Variants in TTC28 observed in about 807,000 individuals in gnomAD.
TTC28 encodes the protein tetratricopeptide repeat domain 28.
In TTC28, 61 loss-of-function variants were observed where a neutral mutation model predicts 198.0. The ratio of observed to expected loss-of-function variants is 0.31; its 90% confidence interval spans 0.25 to 0.38. The LOEUF (loss-of-function observed/expected upper bound fraction) is 0.38. TTC28 is among the 10% of genes least tolerant of loss of function. The pLI, the probability that TTC28 is intolerant of heterozygous loss-of-function variation, is 1.00. For missense variants in TTC28, 2,678 were observed against 3,164.0 expected (o/e 0.85, Z 3.69); for synonymous variants, 1,171 against 1,297.8 (o/e 0.90, Z 2.10).
chr22:28,302,777 C>T (rs1001468333), intron 3 of TTC28, among the ~76,000 whole-genome samples: 1 of 152,086 alleles, frequency 6.6e-6, no homozygotes, highest in African/African-American at 2.4e-5. Context: ...CGGGTTCAAG[C>T]GATTCTCCTG....
At chr22:28,674,873 T>C (rs2051957512) in intron 1 of TTC28, among the ~76,000 whole-genome samples, 1 of 151,710 alleles carries the variant, frequency 6.6e-6, no homozygotes, top group African/African-American at 2.4e-5. Context: ...CCAGCTGTCT[T>C]TTTTACAGAA....
intron 1 of TTC28, among the ~76,000 whole-genome samples, chr22:28,670,302 C>T (rs1300185309): frequency 6.6e-6 from 1 of 152,122 alleles, no homozygotes; most frequent in African/African-American, 2.4e-5. Context: ...TTAGAATAGT[C>T]TCATCACCCC....
intron 12 of TTC28, among the ~76,000 whole-genome samples, chr22:28,088,052 A>C (rs1287536130): frequency 1.3e-5 from 2 of 152,212 alleles, no homozygotes; most frequent in Non-Finnish European, 2.9e-5. Flanking sequence ...GCTCATGGAT[A>C]GGAAGAATCA....
At chr22:28,638,852 G>A (rs991620750) in intron 1 of TTC28, among the ~76,000 whole-genome samples, 2 of 152,150 alleles carry the variant, frequency 1.3e-5, no homozygotes, top group African/African-American at 4.8e-5. Flanking sequence ...ATTGGTAGAA[G>A]GGGAGGTCTC....
chr22:28,052,297 C>A lies in TTC28; in HGVS notation c.3933-21931G>T, dbSNP rs141479880. Among the ~76,000 whole-genome samples the A allele has an allele frequency of 1.8e-3, 267 of 152,300 alleles. 1 individual carries two copies. Among genetic ancestry groups the A allele is most frequent in the Non-Finnish European group, 2.5e-3 (173 of 68,030 alleles). On this transcript the variant is annotated intron_variant, in intron 12 of 22. Coordinates refer to ENST00000397906, the MANE Select transcript of TTC28 (RefSeq NM_001145418.2). ...ATGACAGCAGTGCCATATAGTGACCCTTTATCATGTGCCAGGCATTTCCTA... is the reference window on the plus strand; with the variant it reads ...ATGACAGCAGTGCCATATAGTGACCATTTATCATGTGCCAGGCATTTCCTA...
chr22:28,073,721 T>C (rs988978346), intron 12 of TTC28, among the ~76,000 whole-genome samples: 6 of 152,192 alleles, frequency 3.9e-5, no homozygotes, highest in Non-Finnish European at 2.9e-5. Flanking sequence ...CTTTAGCCAA[T>C]GAAATGTGAA....
chr22:28,017,405 G>A (rs975011693), intron 13 of TTC28, among the ~76,000 whole-genome samples: 6 of 152,226 alleles, frequency 3.9e-5, no homozygotes, highest in African/African-American at 1.2e-4. Flanking sequence ...GGGCAGCACC[G>A]GGGATAAGTC....
At chr22:28,430,223 T>C (rs761644359) in intron 2 of TTC28, among the ~76,000 whole-genome samples, 2 of 152,114 alleles carry the variant, frequency 1.3e-5, no homozygotes, top group Non-Finnish European at 2.9e-5. Flanking sequence ...TATTTCTTAG[T>C]GGGAACAAAT....
intron 2 of TTC28, among the ~76,000 whole-genome samples, chr22:28,531,413 T>A (rs931503910): frequency 1.7e-4 from 26 of 152,120 alleles, no homozygotes; most frequent in Non-Finnish European, 3.2e-4. Context: ...ATAAAGCAAG[T>A]CCTTAGAGAC....
In TTC28 at chr22:28,510,388, C is replaced by T. The variant is rs534378463; in HGVS notation, c.381+119164G>A. Among the ~76,000 whole-genome samples the T allele has an allele frequency of 9.2e-5, 14 of 152,258 alleles. No homozygotes were observed. The South Asian group carries it at 2.7e-3, about 29-fold the overall frequency. On this transcript the variant is annotated intron_variant, in intron 2 of 22. Coordinates refer to ENST00000397906, the MANE Select transcript of TTC28 (RefSeq NM_001145418.2). The stretch of plus-strand genomic sequence containing the variant: ...CATACACAAATCAATAAATGTGATT[C>T]ATCACATAAACAGAACTGAAGACAA...
At chr22:28,404,424 G>A (rs2046968212) in intron 2 of TTC28, among the ~76,000 whole-genome samples, 1 of 152,118 alleles carries the variant, frequency 6.6e-6, no homozygotes, top group South Asian at 2.1e-4. Context: ...GCCTATATGT[G>A]TTATTTTTTA....
intron 13 of TTC28, among the ~76,000 whole-genome samples, chr22:28,023,561 T>G (rs895212865): frequency 6.6e-6 from 1 of 152,242 alleles, no homozygotes; most frequent in Non-Finnish European, 1.5e-5. Flanking sequence ...CTTTCCACTT[T>G]CAATTTGTGG....
At chr22:28,216,445 G>A (rs1390140212) in intron 5 of TTC28, among the ~76,000 whole-genome samples, 1 of 152,194 alleles carries the variant, frequency 6.6e-6, no homozygotes, top group Non-Finnish European at 1.5e-5. Context: ...GGTATTTGGA[G>A]TGAGAGACAT....
intron 14 of TTC28, among the ~76,000 whole-genome samples, chr22:28,009,350 C>T (rs1177962473): frequency 6.6e-6 from 1 of 152,196 alleles, no homozygotes; most frequent in Non-Finnish European, 1.5e-5. Flanking sequence ...ATTATATGCC[C>T]CATGTGAAGA....
chr22:28,439,009 C>G (rs918566605), intron 2 of TTC28, among the ~76,000 whole-genome samples: 12 of 152,102 alleles, frequency 7.9e-5, no homozygotes, highest in African/African-American at 2.9e-4. Context: ...TTTTCTTTAA[C>G]AATCCACTAC....
At chr22:28,128,583 G>A (rs979307917) in intron 6 of TTC28, among the ~76,000 whole-genome samples, 1 of 151,986 alleles carries the variant, frequency 6.6e-6, no homozygotes, top group African/African-American at 2.4e-5. Context: ...TGTCACCCAG[G>A]CTGGAGTACA....
intron 10 of TTC28, 85 bp from the exon 11 acceptor site, chr22:28,096,493 G>T: frequency 1.4e-6 from 2 of 1,395,180 alleles, no homozygotes; most frequent in Non-Finnish European, 2.0e-6. Context: ...TCAAATCCTG[G>T]GCAGAAACCT....
chr22:28,232,027 T>C (rs757997762), intron 5 of TTC28, among the ~76,000 whole-genome samples: 1 of 152,176 alleles, frequency 6.6e-6, no homozygotes, highest in Non-Finnish European at 1.5e-5. Context: ...CCTACAACCA[T>C]GGAAGTCAGG....
At chr22:28,328,806 T>C (rs970329422) in intron 2 of TTC28, among the ~76,000 whole-genome samples, 1 of 144,480 alleles carries the variant, frequency 6.9e-6, no homozygotes, top group Non-Finnish European at 1.5e-5. Flanking sequence ...AATAATAATA[T>C]GTTCTGAAGA....
Sources: allele counts gnomAD v4.1 joint callset (sites outside exome capture counted in the v4.1 genomes callset), GRCh38; gene constraint gnomAD v4.1.1; transcripts MANE v1.5; gene names NCBI Gene and HGNC (gene_info 2026-07-23, HGNC 2026-07-21).